TSPAN12: variants seen among roughly 807,000 people sequenced by gnomAD.
TSPAN12 encodes tetraspanin 12.
Under a neutral mutation model 39.2 loss-of-function variants are expected in TSPAN12, and 19 were observed. The observed-to-expected ratio is 0.49, with a 90% CI of 0.34 to 0.71. The LOEUF (loss-of-function observed/expected upper bound fraction) is 0.71, where lower values mean the gene tolerates loss of function less well. Among genes scored for constraint, TSPAN12 ranks in the 30% least tolerant of loss-of-function variants. The pLI, the probability that TSPAN12 is intolerant of heterozygous loss-of-function variation, is 0.01. For synonymous variants in TSPAN12, 119 were observed against 124.8 expected, an observed-to-expected ratio of 0.95 and a Z score of 0.31; for missense variants, 314 against 359.9, an observed-to-expected ratio of 0.87 and a Z score of 1.03.
intron 2 of TSPAN12, among the ~76,000 whole-genome samples, chr7:120,851,529 T>A (rs1336224605): frequency 6.6e-6 from 1 of 152,068 alleles, no homozygotes; most frequent in Non-Finnish European, 1.5e-5. Context: ...TTCACCAATG[T>A]CAGAAATTTT....
chr7:120,809,356 A>G (rs1277762824), intron 6 of TSPAN12, among the ~76,000 whole-genome samples: 1 of 152,132 alleles, frequency 6.6e-6, no homozygotes, highest in Non-Finnish European at 1.5e-5. Flanking sequence ...CTTACTATAA[A>G]TTTCCTAATG....
At chr7:120,816,587 C>T (rs1380791721) in intron 4 of TSPAN12, among the ~76,000 whole-genome samples, 1 of 151,994 alleles carries the variant, frequency 6.6e-6, no homozygotes, top group East Asian at 1.9e-4. Flanking sequence ...ATCCATCTAG[C>T]TGGAGTGGGG....
At chr7:120,809,165 T>C (rs1793930393) in intron 6 of TSPAN12, among the ~76,000 whole-genome samples, 1 of 152,034 alleles carries the variant, frequency 6.6e-6, no homozygotes, top group African/African-American at 2.4e-5. Context: ...ACTTACCATG[T>C]AACAAATCTA....
chr7:120,788,730 C>A lies in TSPAN12; in HGVS notation c.780G>T (p.Met260Ile), dbSNP rs868195538. 3.7e-6 allele frequency: 6 copies of A among 1,614,150 alleles called. No homozygotes were observed. Among genetic ancestry groups the A allele is most frequent in the Non-Finnish European group, 5.1e-6 (6 of 1,180,016 alleles). ...GAGAGTTGTCATTCTTCAAGGACAT[C>A]ATTTGGTCTGTCCCCGGCTCCCTTC... ...YDRREPGTDQ[M>I]MSLKNDNSQH... Residue 260 changes from methionine to isoleucine, a missense_variant, in exon 8 of 8, where the codon ATG becomes ATT. Coordinates refer to ENST00000222747, the MANE Select transcript of TSPAN12 (RefSeq NM_012338.4).
intron 2 of TSPAN12, among the ~76,000 whole-genome samples, chr7:120,847,140 A>C (rs1794684591): frequency 6.6e-6 from 1 of 151,818 alleles, no homozygotes; most frequent in Non-Finnish European, 1.5e-5. Flanking sequence ...CCTTTTAGCT[A>C]TATGACATTC....
At chr7:120,821,325 C>T (rs747109570) in intron 4 of TSPAN12, among the ~76,000 whole-genome samples, 4 of 151,720 alleles carry the variant, frequency 2.6e-5, no homozygotes, top group Admixed American at 6.6e-5. Context: ...CACCAAGTCA[C>T]TGAAGCTGAG....
chr7:120,856,318 G>A (rs1435278333), intron 2 of TSPAN12, among the ~76,000 whole-genome samples: 2 of 152,032 alleles, frequency 1.3e-5, no homozygotes, highest in Admixed American at 1.3e-4. Context: ...TTTTACAGGC[G>A]ACAGAGATGT....
intron 4 of TSPAN12, among the ~76,000 whole-genome samples, chr7:120,816,656 T>C (rs1303169300): frequency 4.6e-5 from 7 of 152,142 alleles, no homozygotes; most frequent in African/African-American, 9.7e-5. Flanking sequence ...AGCCAGATTA[T>C]GGTGAACTTT....
At chr7:120,812,895 C>T (rs1794009093) in intron 5 of TSPAN12, among the ~76,000 whole-genome samples, 2 of 151,954 alleles carry the variant, frequency 1.3e-5, no homozygotes, top group Admixed American at 1.3e-4. Context: ...CAAAAAAAAC[C>T]AGAAATAATG....
intron 7 of TSPAN12, among the ~76,000 whole-genome samples, chr7:120,801,902 T>C (rs770715699): frequency 2.3e-4 from 35 of 152,132 alleles, no homozygotes; most frequent in Admixed American, 4.6e-4. Context: ...GGAAAAAAAA[T>C]GGATATAAAA....
At chr7:120,818,658 C>T (rs1453195597) in intron 4 of TSPAN12, among the ~76,000 whole-genome samples, 1 of 152,008 alleles carries the variant, frequency 6.6e-6, no homozygotes, top group Non-Finnish European at 1.5e-5. Context: ...GAATATATAA[C>T]TGCATAATCT....
intron 2 of TSPAN12, among the ~76,000 whole-genome samples, chr7:120,845,809 C>G (rs1482095989): frequency 1.3e-5 from 2 of 152,326 alleles, no homozygotes; most frequent in South Asian, 4.1e-4. Flanking sequence ...TTTCTGTCTT[C>G]TGAGCCTTTC....
intron 4 of TSPAN12, among the ~76,000 whole-genome samples, chr7:120,832,844 A>C (rs1794412521): frequency 6.6e-6 from 1 of 152,184 alleles, no homozygotes; most frequent in African/African-American, 2.4e-5. Context: ...GAAATTTTAA[A>C]GTTCATTTTA....
At chr7:120,850,676 G>C (rs968265448) in intron 2 of TSPAN12, among the ~76,000 whole-genome samples, 19 of 151,886 alleles carry the variant, frequency 1.3e-4, no homozygotes, top group Admixed American at 9.2e-4. Flanking sequence ...GATCAGCTTT[G>C]CTCTGAGACT....
intron 3 of TSPAN12, 28 bp downstream of exon 3, chr7:120,839,999 G>A: frequency 6.4e-7 from 1 of 1,551,538 alleles, no homozygotes; most frequent in Non-Finnish European, 8.9e-7. Flanking sequence ...CAGCAAGAAA[G>A]AATTCAATCA....
intron 2 of TSPAN12, among the ~76,000 whole-genome samples, chr7:120,852,415 G>A (rs1167059906): frequency 6.6e-6 from 1 of 152,136 alleles, no homozygotes; most frequent in Non-Finnish European, 1.5e-5. Flanking sequence ...AAGAAGTGGG[G>A]TTCATATGCC....
At chr7:120,789,224 A>C (rs1793472815) in intron 7 of TSPAN12, among the ~76,000 whole-genome samples, 1 of 152,188 alleles carries the variant, frequency 6.6e-6, no homozygotes, top group Non-Finnish European at 1.5e-5. Context: ...GACAGATAGT[A>C]AATATTTTGG....
chr7:120,827,536 G>A (rs182619298), intron 4 of TSPAN12, among the ~76,000 whole-genome samples: 17 of 152,312 alleles, frequency 1.1e-4, no homozygotes, highest in Admixed American at 4.6e-4. Context: ...TTAAATCAGC[G>A]AAGTTGCCAA....
chr7:120,826,566 G>T lies in TSPAN12; in HGVS notation c.286-10763C>A, dbSNP rs1794291715. On this transcript the variant is annotated intron_variant, in intron 4 of 7. Coordinates refer to ENST00000222747, the MANE Select transcript of TSPAN12 (RefSeq NM_012338.4). ...AAACCCATACATGAACATGCAAACA[G>T]GAAGGAGCCTTAGCAATATCTCAAG... Among the ~76,000 whole-genome samples the T allele has an allele frequency of 2.6e-5, 4 of 152,092 alleles. No homozygotes were observed. The South Asian group carries it at 8.3e-4, about 32-fold the overall frequency.
Sources: allele counts gnomAD v4.1 joint callset (sites outside exome capture counted in the v4.1 genomes callset), GRCh38; gene constraint gnomAD v4.1.1; transcripts MANE v1.5; gene names NCBI Gene and HGNC (gene_info 2026-07-23, HGNC 2026-07-21).